The following RNF38 variants were observed in gnomAD, a reference collection of about 807,000 sequenced individuals.
The protein encoded by RNF38 is E3 ubiquitin-protein ligase RNF38.
A neutral mutation model predicts 67.2 loss-of-function variants in RNF38; 15 were observed. The ratio of observed to expected loss-of-function variants is 0.22; its 90% CI spans 0.15 to 0.34. RNF38 has a LOEUF of 0.34. RNF38 is among the 10% of genes least tolerant of loss of function. RNF38 has a pLI of 1.00. For missense variants in RNF38, 524 were observed against 639.9 expected, an observed-to-expected ratio of 0.82 and a Z score of 1.95; for synonymous variants, 220 against 218.8, an observed-to-expected ratio of 1.01 and a Z score of -0.05.
chr9:36,396,941 T>A (rs538439834), intron 1 of RNF38, among the ~76,000 whole-genome samples: 1 of 150,770 alleles, frequency 6.6e-6, no homozygotes, highest in African/African-American at 2.4e-5. Flanking sequence ...AAATGACACA[T>A]GAAAAAGACT....
chr9:36,436,088 C>T (rs151004069), intron 1 of RNF38, among the ~76,000 whole-genome samples: 1,970 of 152,288 alleles, frequency 0.013, 39 homozygotes, highest in African/African-American at 0.043. Flanking sequence ...AGGCTACAGG[C>T]ACTTAATATT....
At chr9:36,422,429 CA>C (rs527953202) in intron 2 of RNF38, among the ~76,000 whole-genome samples, 15 of 143,898 alleles carry the variant, frequency 1.0e-4, no homozygotes, top group Admixed American at 1.4e-4. Flanking sequence ...CACCAAAAAA[CA>C]AAAAAAAAAA....
intron 1 of RNF38, among the ~76,000 whole-genome samples, chr9:36,431,876 C>T (rs1838941325): frequency 6.6e-6 from 1 of 152,052 alleles, no homozygotes; most frequent in Admixed American, 6.6e-5. Context: ...TCAAGGGGCC[C>T]ACCAAGACTC....
chr9:36,400,920 C>T (rs1837982554), upstream of RNF38: 2 of 984,484 alleles, frequency 2.0e-6, no homozygotes, highest in South Asian at 9.1e-5. Flanking sequence ...CCGCGCCCCG[C>T]CGCACCCCGC....
At chr9:36,358,290 T>C (rs1834275531) in intron 4 of RNF38, among the ~76,000 whole-genome samples, 1 of 152,218 alleles carries the variant, frequency 6.6e-6, no homozygotes, top group South Asian at 2.1e-4. Context: ...TTTGGTCACA[T>C]TCAAAACAAA....
rs934624625 is a variant in RNF38, at chr9:36,474,187, C to T, written n.241+13121G>A. Among the ~76,000 whole-genome samples, 9 of 150,628 alleles carry T rather than the reference C, an allele frequency of 6.0e-5. No homozygotes were observed. The East Asian group carries it at 1.8e-3, about 30-fold the overall frequency. On this transcript the variant is annotated intron_variant and non_coding_transcript_variant, in intron 1 of 3. Transcript: ENST00000488058. ...AATTAGCCGGGCGTGGTGGCGGGCG[C>T]CTGTAGTCCCAGCTACTCGGGAGGC...
At chr9:36,357,480 G>C (rs1243227223) in intron 5 of RNF38, among the ~76,000 whole-genome samples, 1 of 152,152 alleles carries the variant, frequency 6.6e-6, no homozygotes, top group Admixed American at 6.5e-5. Context: ...AGAAAACATG[G>C]TTTGACCCTC....
Position 36,379,026 on chromosome 9 carries a change from G to A in RNF38, c.163-2899C>T, listed in dbSNP as rs538714066. Among the ~76,000 whole-genome samples the A allele has an allele frequency of 5.9e-5, 9 of 151,718 alleles. 1 individual carries two copies. The highest frequency in any genetic ancestry group is 7.4e-5 in the Non-Finnish European group (5 of 67,950). ...AGTGATTCTCCTGCCTCAGTCTCCC[G>A]AGTAGCTGGGATTACAGGCATGCAC... On this transcript the variant is annotated intron_variant, in intron 2 of 11. Coordinates refer to ENST00000259605, the MANE Select transcript of RNF38 (RefSeq NM_022781.5).
intron 1 of RNF38, among the ~76,000 whole-genome samples, chr9:36,459,131 C>A (rs1375018857): frequency 2.0e-5 from 3 of 151,630 alleles, no homozygotes; most frequent in Non-Finnish European, 4.4e-5. Context: ...TCACTTGAAC[C>A]CAGGAGGTGG....
intron 2 of RNF38, among the ~76,000 whole-genome samples, chr9:36,377,545 A>G (rs1164029282): frequency 6.6e-6 from 1 of 152,166 alleles, no homozygotes; most frequent in African/African-American, 2.4e-5. Context: ...ATTATAATTA[A>G]AATACAAAAC....
chr9:36,356,122 C>T (rs1291839235), intron 6 of RNF38, among the ~76,000 whole-genome samples, 181 bp downstream of exon 6: 1 of 152,158 alleles, frequency 6.6e-6, no homozygotes, highest in African/African-American at 2.4e-5. Flanking sequence ...GCTGGGATTA[C>T]AGGAGTGAGT....
At chr9:36,420,292 G>T (rs182500906) in intron 2 of RNF38, among the ~76,000 whole-genome samples, 88 of 152,142 alleles carry the variant, frequency 5.8e-4, no homozygotes, top group Admixed American at 1.2e-3. Context: ...TAGCACTTTG[G>T]GAGGCCGAGG....
chr9:36,370,002 T>C (rs1835257192), intron 3 of RNF38, 70 bp from the exon 4 acceptor site: 2 of 1,252,416 alleles, frequency 1.6e-6, no homozygotes, highest in Non-Finnish European at 2.2e-6. Context: ...TTGTCTTTCT[T>C]TGATATCTAT....
intron 4 of RNF38, among the ~76,000 whole-genome samples, chr9:36,358,971 A>T (rs1014589950): frequency 3.9e-5 from 6 of 152,178 alleles, no homozygotes; most frequent in African/African-American, 1.2e-4. Flanking sequence ...AGATCGCGCC[A>T]TTGCACTCCA....
intron 1 of RNF38, among the ~76,000 whole-genome samples, chr9:36,431,759 A>G (rs1041416175): frequency 2.6e-5 from 4 of 152,172 alleles, no homozygotes; most frequent in Non-Finnish European, 2.9e-5. Flanking sequence ...ACTGAACTCA[A>G]TCTTCAGCCC....
chr9:36,462,440 A>G (rs952554964), intron 1 of RNF38, among the ~76,000 whole-genome samples: 4 of 152,108 alleles, frequency 2.6e-5, no homozygotes, highest in Admixed American at 1.3e-4. Flanking sequence ...GTCATACCAT[A>G]TATCACCACT....
chr9:36,425,655 T>C (rs1416089181), intron 1 of RNF38, among the ~76,000 whole-genome samples: 1 of 151,800 alleles, frequency 6.6e-6, no homozygotes, highest in Non-Finnish European at 1.5e-5. Flanking sequence ...ACCAAGATCA[T>C]GCCACTGCAC....
intron 1 of RNF38, among the ~76,000 whole-genome samples, chr9:36,463,361 C>T (rs1284379954): frequency 6.6e-6 from 1 of 152,134 alleles, no homozygotes; most frequent in Non-Finnish European, 1.5e-5. Flanking sequence ...TACAAGCCTT[C>T]TGTTATTTAG....
chr9:36,358,523 T>A (rs1834294042), intron 4 of RNF38, among the ~76,000 whole-genome samples: 1 of 152,218 alleles, frequency 6.6e-6, no homozygotes, highest in Non-Finnish European at 1.5e-5. Flanking sequence ...CATACTACCC[T>A]GCAACTTTGT....
Sources: allele counts gnomAD v4.1 joint callset (sites outside exome capture counted in the v4.1 genomes callset), GRCh38; gene constraint gnomAD v4.1.1; transcripts MANE v1.5; gene names NCBI Gene and HGNC (gene_info 2026-07-23, HGNC 2026-07-21).